The following SRGAP2 variants were observed in gnomAD, a reference collection of about 807,000 sequenced individuals.
SRGAP2 encodes the protein SLIT-ROBO Rho GTPase activating protein 2.
SRGAP2 carries 15 observed loss-of-function variants against 57.2 expected under a neutral mutation model. The ratio of observed to expected loss-of-function variants is 0.26; its 90% CI spans 0.18 to 0.40. The LOEUF (loss-of-function observed/expected upper bound fraction) is 0.40. Among genes scored for constraint, SRGAP2 ranks in the 10% least tolerant of loss-of-function variants. SRGAP2 has a pLI of 1.00. For synonymous variants in SRGAP2, 249 were observed against 248.0 expected, an observed-to-expected ratio of 1.00 and a Z score of -0.04; for missense variants, 520 against 669.6, an observed-to-expected ratio of 0.78 and a Z score of 2.47.
At chr1:206,401,292 T>A (rs1658132412) in intron 7 of SRGAP2, 129 bp from the exon 8 acceptor site, 2 of 715,810 alleles carry the variant, frequency 2.8e-6, no homozygotes, top group East Asian at 2.7e-5. Context: ...GAAGTCGGAA[T>A]GTCAGCCCTC....
At chr1:206,253,132 G>A (rs1668941100) in intron 2 of SRGAP2, among the ~76,000 whole-genome samples, 1 of 149,072 alleles carries the variant, frequency 6.7e-6, no homozygotes, top group Admixed American at 6.7e-5. Flanking sequence ...GTTGAGGTCG[G>A]GTGTCTGTCT....
intron 11 of SRGAP2, 70 bp downstream of exon 11, chr1:206,416,043 C>G: frequency 1.4e-6 from 1 of 706,250 alleles, no homozygotes; most frequent in East Asian, 2.5e-5. Flanking sequence ...TGAGCACACG[C>G]CTCCATCCTC....
chr1:206,221,189 C>T (rs1666968470), intron 2 of SRGAP2, among the ~76,000 whole-genome samples: 1 of 148,506 alleles, frequency 6.7e-6, no homozygotes, highest in Non-Finnish European at 1.5e-5. Flanking sequence ...ATCCGCCTGC[C>T]TCAGCCTCCC....
At chr1:206,411,178 G>A (rs1422521475) in intron 10 of SRGAP2, among the ~76,000 whole-genome samples, 1 of 152,148 alleles carries the variant, frequency 6.6e-6, no homozygotes, top group Non-Finnish European at 1.5e-5. Flanking sequence ...TCCTTTTATA[G>A]GGAGTTGGAG....
chr1:206,338,912 CTTA>C (rs1197069911), intron 3 of SRGAP2, among the ~76,000 whole-genome samples: 4 of 150,382 alleles, frequency 2.7e-5, no homozygotes, highest in South Asian at 2.1e-4. Context: ...TTATAGAGTA[CTTA>C]TTATACTGTC....
intron 3 of SRGAP2, among the ~76,000 whole-genome samples, chr1:206,303,882 TCTCTCTCACACA>T (rs1672019672): frequency 1.5e-5 from 2 of 137,568 alleles, no homozygotes; most frequent in South Asian, 2.4e-4. Context: ...TCTCTCTCTC[TCTCTCTCACACA>T]CACACACACA....
At chr1:206,378,114 G>T (rs1655373821) in intron 4 of SRGAP2, among the ~76,000 whole-genome samples, 2 of 135,752 alleles carry the variant, frequency 1.5e-5, no homozygotes, top group African/African-American at 5.6e-5. Flanking sequence ...GCTACTCTAA[G>T]AGGCTGAGGT....
At chr1:206,221,474 T>C (rs1351186119) in intron 2 of SRGAP2, among the ~76,000 whole-genome samples, 1 of 151,950 alleles carries the variant, frequency 6.6e-6, no homozygotes, top group East Asian at 1.9e-4. Context: ...ATGCGAACTC[T>C]CCACAGAGTC....
At chr1:206,410,616 A>G (rs1659132155) in intron 10 of SRGAP2, among the ~76,000 whole-genome samples, 1 of 152,220 alleles carries the variant, frequency 6.6e-6, no homozygotes, top group Non-Finnish European at 1.5e-5. Context: ...ATGTAATGAA[A>G]GAAAATGGAA....
At chr1:206,379,268 ACTGTACCAC>A (rs1655507755) in intron 4 of SRGAP2, among the ~76,000 whole-genome samples, 1 of 95,494 alleles carries the variant, frequency 1.0e-5, no homozygotes, top group Admixed American at 1.2e-4. Context: ...ACAGCCTCAC[ACTGTACCAC>A]CTATTTTGGT....
intron 2 of SRGAP2, among the ~76,000 whole-genome samples, chr1:206,208,620 T>C (rs1328285523): frequency 6.6e-6 from 1 of 152,236 alleles, no homozygotes; most frequent in African/African-American, 2.4e-5. Context: ...GGGCTCTCTA[T>C]GGAACAGCAC....
At chr1:206,339,827 T>C (rs1216666457) in intron 3 of SRGAP2, among the ~76,000 whole-genome samples, 1 of 151,508 alleles carries the variant, frequency 6.6e-6, no homozygotes, top group Non-Finnish European at 1.5e-5. Flanking sequence ...AGTCTTGCTC[T>C]CACCCAGGCT....
At chr1:206,284,202 G>A (rs1670891986) in intron 2 of SRGAP2, among the ~76,000 whole-genome samples, 1 of 139,630 alleles carries the variant, frequency 7.2e-6, no homozygotes, top group Admixed American at 7.3e-5. Flanking sequence ...ACACCTTGTA[G>A]CTATGGAATG....
intron 19 of SRGAP2, among the ~76,000 whole-genome samples, chr1:206,450,680 G>A (rs1210719055): frequency 5.9e-5 from 9 of 152,146 alleles, no homozygotes; most frequent in African/African-American, 2.2e-4. Context: ...TGAAGAACTA[G>A]GCCTTTCATA....
intron 3 of SRGAP2, among the ~76,000 whole-genome samples, chr1:206,306,871 G>T (rs1400600626): frequency 1.3e-5 from 2 of 151,756 alleles, no homozygotes; most frequent in East Asian, 3.9e-4. Context: ...ACAGAGTGCC[G>T]ATTGGTGTAT....
chr1:206,224,313 G>A (rs1667150996), intron 2 of SRGAP2, among the ~76,000 whole-genome samples: 1 of 151,362 alleles, frequency 6.6e-6, no homozygotes, highest in East Asian at 1.9e-4. Flanking sequence ...AAAATAATGA[G>A]TATGTAGTTT....
chr1:206,461,637 C>T lies in SRGAP2; in HGVS notation c.*217C>T. 1 of 553,418 alleles carries T rather than the reference C, an allele frequency of 1.8e-6. No individual in the cohort carries two copies. Among genetic ancestry groups the T allele is most frequent in the East Asian group, 3.0e-5 (1 of 33,442 alleles). 34.3% of individuals were successfully genotyped at this position (553,418 alleles called of 1,614,324 possible). A position where few individuals can be genotyped will look rare whatever the true frequency, so the allele number is the denominator to read the frequency against. On this transcript the variant is annotated 3_prime_UTR_variant, in exon 23 of 23. Transcript: ENST00000573034. The stretch of plus-strand genomic sequence containing the variant: ...TCTGCTTCCCCCAGTCGTCGTAATT[C>T]AGCCAGCTGCAGTCCGTACCGTTCT...
chr1:206,298,767 A>C (rs1671722712), intron 2 of SRGAP2, among the ~76,000 whole-genome samples: 1 of 152,220 alleles, frequency 6.6e-6, no homozygotes, highest in Non-Finnish European at 1.5e-5. Context: ...ATAAGAAAAA[A>C]TGTTAGAGGA....
Position 206,417,044 on chromosome 1 carries a change from T to C in SRGAP2, c.1441+1071T>C, listed in dbSNP as rs1459508967. ...CACCTTTTTTGCCCTGTCCTTTTCC[T>C]GCCTTGGATGATTTCCCAGATGATT... On this transcript the variant is annotated intron_variant, in intron 11 of 22. Transcript: ENST00000573034. Among the ~76,000 whole-genome samples, 3 of 152,110 alleles carry C rather than the reference T, an allele frequency of 2.0e-5. No individual in the cohort carries two copies. The East Asian group carries it at 5.8e-4, about 29-fold the overall frequency.
Sources: allele counts gnomAD v4.1 joint callset (sites outside exome capture counted in the v4.1 genomes callset), GRCh38; gene constraint gnomAD v4.1.1; transcripts MANE v1.5; gene names NCBI Gene and HGNC (gene_info 2026-07-23, HGNC 2026-07-21).